The following NCAPG2 variants were observed in gnomAD, a reference collection of about 807,000 sequenced individuals.
NCAPG2 encodes the protein condensin-2 complex subunit G2.
Under a neutral mutation model 141.1 loss-of-function variants are expected in NCAPG2, and 53 were observed. That is an observed-to-expected ratio of 0.38 (90% CI 0.30 to 0.47). The LOEUF (loss-of-function observed/expected upper bound fraction) is 0.47. NCAPG2 is among the 20% of genes least tolerant of loss of function. The probability of loss-of-function intolerance (pLI) is 0.99; values close to 1 mark genes in which losing one functional copy is unlikely to be tolerated. For missense variants in NCAPG2, 1,087 were observed against 1,389.0 expected (o/e 0.78, Z 3.46); for synonymous variants, 499 against 490.7 (o/e 1.02, Z -0.22).
rs1315132626 is a variant in NCAPG2 at position 158,645,508 on chromosome 7, A to G, written c.3280+11T>C. On this transcript the variant is annotated intron_variant, in intron 26 of 27. Transcript: ENST00000356309. ...GCCACCTTCCAGATGACAGAGGGGA[A>G]TGTAACCAACCTGCATTAATAACCA... 6.2e-7 allele frequency: 1 copy of G among 1,612,004 alleles called. No homozygotes were observed. The highest frequency in any genetic ancestry group is 8.5e-7 in the Non-Finnish European group (1 of 1,178,146).
At chr7:158,684,950 TG>T (rs1257743926) in intron 8 of NCAPG2, among the ~76,000 whole-genome samples, 2 of 152,222 alleles carry the variant, frequency 1.3e-5, no homozygotes, top group Admixed American at 1.3e-4. Context: ...AACCCAGACA[TG>T]GGGCAGCCTC....
intron 6 of NCAPG2, among the ~76,000 whole-genome samples, chr7:158,689,110 T>A (rs1834966300): frequency 6.6e-6 from 1 of 152,172 alleles, no homozygotes; most frequent in Non-Finnish European, 1.5e-5. Flanking sequence ...TGCGAGCCTC[T>A]CTGTAATTCT....
chr7:158,679,196 A>G (rs1376996080), intron 11 of NCAPG2, among the ~76,000 whole-genome samples: 2 of 152,198 alleles, frequency 1.3e-5, no homozygotes, highest in African/African-American at 4.8e-5. Flanking sequence ...CAGGTTTTCC[A>G]TAAGTTAGAA....
Position 158,675,471 on chromosome 7 carries a change from T to C in NCAPG2, c.1326+6A>G, listed in dbSNP as rs1833994046. On this transcript the variant is annotated splice_donor_region_variant and intron_variant, in intron 12 of 27. Coordinates refer to ENST00000356309, the MANE Select transcript of NCAPG2 (RefSeq NM_017760.7). ...AACATTACTTACATAATTTAAAAAA[T>C]CTTACCTTAAAGACAGAACAACGAA... 1.3e-6 allele frequency: 2 copies of C among 1,570,574 alleles called. No homozygotes were observed. Among genetic ancestry groups the C allele is most frequent in the Non-Finnish European group, 1.7e-6 (2 of 1,165,810 alleles).
chr7:158,657,485 G>A (rs571514761), intron 17 of NCAPG2, among the ~76,000 whole-genome samples: 7 of 152,320 alleles, frequency 4.6e-5, no homozygotes, highest in South Asian at 2.1e-4. Context: ...CTTTCATCAC[G>A]TACTAACTTA....
chr7:158,664,174 T>A lies in NCAPG2; in HGVS notation c.1815+10A>T, dbSNP rs779324497. 1.9e-6 allele frequency: 3 copies of A among 1,585,270 alleles called. No individual in the cohort carries two copies. In the South Asian group the frequency reaches 3.3e-5, roughly 18 times the overall value. ...GCACTATCTGCCCGGCCTGGCCCTG[T>A]TCTACTCACAGTCACATTCTCCTTC... On this transcript the variant is annotated intron_variant, in intron 15 of 27. Coordinates refer to ENST00000356309, the MANE Select transcript of NCAPG2 (RefSeq NM_017760.7).
intron 15 of NCAPG2, among the ~76,000 whole-genome samples, chr7:158,663,182 C>T (rs1490529504): frequency 1.3e-5 from 2 of 152,178 alleles, no homozygotes; most frequent in South Asian, 2.1e-4. Flanking sequence ...AGGCCTGTCA[C>T]GCAACTCTAA....
chr7:158,633,757 AT>A lies in NCAPG2; in HGVS notation c.3381-2041del, dbSNP rs990103094. On this transcript the variant is annotated intron_variant, in intron 27 of 27. Transcript: ENST00000356309. This position sits in a 1 kb window ranked among gnomAD's most constrained non-coding sequence, Gnocchi z 4.1. ...ATGAACCCTCCAAAATCTAAAATTA[AT>A]TTTTTTTTTTGAGACAGGGTCACGC... Among the ~76,000 whole-genome samples the A allele has an allele frequency of 2.9e-4, 43 of 148,952 alleles. No individual in the cohort carries two copies. The highest frequency in any genetic ancestry group is 7.1e-4 in the African/African-American group (29 of 40,732).
At chr7:158,637,721 G>T (rs1431582405) in intron 27 of NCAPG2, among the ~76,000 whole-genome samples, 6 of 152,312 alleles carry the variant, frequency 3.9e-5, no homozygotes, top group African/African-American at 1.4e-4. Context: ...CTGTCCGGGT[G>T]GGGGCTCCTT....
At chr7:158,680,377 T>C (rs543205216) in intron 10 of NCAPG2, among the ~76,000 whole-genome samples, 1 of 152,188 alleles carries the variant, frequency 6.6e-6, no homozygotes, top group Non-Finnish European at 1.5e-5. Context: ...TGTGTGTTTG[T>C]TAGATCTCAA....
chr7:158,688,430 T>C (rs1418456329), intron 6 of NCAPG2, among the ~76,000 whole-genome samples: 2 of 152,266 alleles, frequency 1.3e-5, no homozygotes, highest in Non-Finnish European at 2.9e-5. Flanking sequence ...ATCAACTCCT[T>C]ATGTATAAGT....
Position 158,664,698 on chromosome 7 carries a change from G to C in NCAPG2, c.1532C>G (p.Ser511Cys). 4 of 1,614,176 alleles carry C rather than the reference G, an allele frequency of 2.5e-6. No homozygotes were observed. Among genetic ancestry groups the C allele is most frequent in the Non-Finnish European group, 3.4e-6 (4 of 1,180,040 alleles). The stretch of plus-strand genomic sequence containing the variant: ...CACCAGGCGCCGAGACACAGGTCGA[G>C]AATCAGTTTCCAGACGAACCAGAAT... ...EHILVRLETD[S>C]RPVSRRLVSL... The change falls in exon 14 of 28, where the codon TCT (serine) becomes TGT (cysteine). Residue 511 changes from serine (S) to cysteine (C), a missense_variant. Transcript: ENST00000356309.
intron 4 of NCAPG2, among the ~76,000 whole-genome samples, chr7:158,691,372 C>A (rs1382699299): frequency 6.6e-6 from 1 of 152,154 alleles, no homozygotes; most frequent in Non-Finnish European, 1.5e-5. Context: ...GCAGACCATA[C>A]AAATAAACTG....
rs376589301 is a variant in NCAPG2 at position 158,652,272 on chromosome 7, G to A, written c.2934+21C>T. On this transcript the variant is annotated intron_variant, in intron 23 of 27. Coordinates refer to ENST00000356309, the MANE Select transcript of NCAPG2 (RefSeq NM_017760.7). ...CTGAAAAGCCCATCTAGCGAACCCC[G>A]TCCTGGGGAGTTCTGAGTACCCGCA... The A allele has an allele frequency of 4.8e-5, 78 of 1,608,920 alleles. No individual in the cohort carries two copies. In the Admixed American group the frequency reaches 7.9e-4, roughly 16 times the overall value.
Position 158,648,188 on chromosome 7 carries a change from C to T in NCAPG2, c.3076-1625G>A, listed in dbSNP as rs527250834. Among the ~76,000 whole-genome samples, 15 of 151,960 alleles carry T rather than the reference C, an allele frequency of 9.9e-5. No homozygotes were observed. In the East Asian group the frequency reaches 2.9e-3, roughly 29 times the overall value. Reference sequence around the variant, plus strand: ...CAGATTAAAATAAAAATAATAACAACAGCATAAGGGATAGGAGAACACAAC... The same window carrying T: ...CAGATTAAAATAAAAATAATAACAATAGCATAAGGGATAGGAGAACACAAC... On this transcript the variant is annotated intron_variant, in intron 24 of 27. Coordinates refer to ENST00000356309, the MANE Select transcript of NCAPG2 (RefSeq NM_017760.7).
intron 13 of NCAPG2, among the ~76,000 whole-genome samples, chr7:158,669,285 C>T (rs1833519083): frequency 6.6e-6 from 1 of 152,104 alleles, no homozygotes; most frequent in Non-Finnish European, 1.5e-5. Flanking sequence ...GGTATATACC[C>T]AGTAATGGGA....
At chr7:158,670,540 G>A (rs1833620242) in intron 13 of NCAPG2, among the ~76,000 whole-genome samples, 1 of 152,058 alleles carries the variant, frequency 6.6e-6, no homozygotes, top group Non-Finnish European at 1.5e-5. Flanking sequence ...CATCAGAGTG[G>A]GACCCTGTCT....
rs1456281400 is a variant in NCAPG2, at chr7:158,686,247, TA to T, written c.768-7del. 3.3e-6 allele frequency: 5 copies of T among 1,494,120 alleles called. No individual in the cohort carries two copies. The highest frequency in any genetic ancestry group is 4.5e-6 in the Non-Finnish European group (5 of 1,104,264). 92.6% of individuals were successfully genotyped at this position (1,494,120 alleles called of 1,614,324 possible). ...CAATGTATACCATCAAAGACCTATA[TA>T]AAAAGATCAAAATAGTTTTAATGCA... On this transcript the variant is annotated splice_polypyrimidine_tract_variant and splice_region_variant and intron_variant, in intron 7 of 27. Coordinates refer to ENST00000356309, the MANE Select transcript of NCAPG2 (RefSeq NM_017760.7).
At chr7:158,637,760 G>A (rs1036233733) in intron 27 of NCAPG2, among the ~76,000 whole-genome samples, 5 of 152,214 alleles carry the variant, frequency 3.3e-5, no homozygotes, top group African/African-American at 9.7e-5. Context: ...AGGGTTGGAG[G>A]TGTTCTCTTC....
Sources: gnomAD v4.1 joint callset for allele counts (sites outside exome capture counted in the v4.1 genomes callset) on GRCh38, gnomAD v4.1.1 for gene constraint, Gnocchi (gnomAD v3.1) non-coding constraint, MANE v1.5 for transcripts, NCBI Gene and HGNC (gene_info 2026-07-23, HGNC 2026-07-21) for gene names.